Variants in ZNF786 observed in about 807,000 individuals in gnomAD.
ZNF786 encodes the protein zinc finger protein 786.
ZNF786 carries 56 observed loss-of-function variants against 63.1 expected under a neutral mutation model. That is an observed-to-expected ratio of 0.89 (90% CI 0.72 to 1.11). The LOEUF is 1.11. ZNF786 is among the 50% of genes least tolerant of loss of function. The pLI is 0.00. For missense variants in ZNF786, 1,213 were observed against 1,041.8 expected (o/e 1.16, Z -2.26); for synonymous variants, 485 against 406.9 (o/e 1.19, Z -2.31).
chr7:149,076,736 A>C (rs1280552750), intron 2 of ZNF786, among the ~76,000 whole-genome samples: 4 of 151,662 alleles, frequency 2.6e-5, no homozygotes, highest in African/African-American at 4.8e-5. Flanking sequence ...AAAAAAAAAA[A>C]AACTACATAG....
Position 149,071,801 on chromosome 7 carries a change from G to A in ZNF786, c.971C>T (p.Ala324Val). The change falls in exon 4 of 4, where the codon GCC becomes GTC. Residue 324 changes from alanine (A) to valine (V), a missense_variant. Transcript: ENST00000491431. ...RRCQHSREGP[A>V]SWREGRGASS... ...GGCCCCGCGGCCTTCTCTCCAAGAG[G>A]CCGGCCCCTCCCGGCTGTGCTGGCA... 6.3e-7 allele frequency: 1 copy of A among 1,585,010 alleles called. No individual in the cohort carries two copies. Among genetic ancestry groups the A allele is most frequent in the Non-Finnish European group, 8.5e-7 (1 of 1,170,880 alleles).
intron 3 of ZNF786, 95 bp downstream of exon 3, chr7:149,074,291 C>A (rs968394116): frequency 2.1e-6 from 3 of 1,456,198 alleles, no homozygotes; most frequent in Non-Finnish European, 1.9e-6. Flanking sequence ...AGTCTTCAAA[C>A]CTCAGCTTGC....
At chr7:149,073,779 ATG>A (rs202034948) in intron 3 of ZNF786, among the ~76,000 whole-genome samples, 13,882 of 80,862 alleles carry the variant, frequency 0.17, 1,575 homozygotes, top group East Asian at 0.28. Context: ...ATATATATAT[ATG>A]TATATATATA....
chr7:149,070,577 A>G lies in ZNF786; in HGVS notation c.2195T>C (p.Phe732Ser). The G allele has an allele frequency of 6.2e-7, 1 of 1,614,028 alleles. No individual in the cohort carries two copies. The highest frequency in any genetic ancestry group is 1.1e-5 in the South Asian group (1 of 91,084). Residue 732 changes from phenylalanine (F) to serine (S), a missense_variant, in exon 4 of 4, where the codon TTT becomes TCT. Transcript: ENST00000491431. ...HQRIHRPERP[F>S]ACGDCGKGFI... Reference sequence around the variant, plus strand: ...GCCCTTCCCACAATCGCCACAGGCAAAGGGCCTCTCGGGCCTGTGGATGCG... The same window carrying G: ...GCCCTTCCCACAATCGCCACAGGCAGAGGGCCTCTCGGGCCTGTGGATGCG...
chr7:149,074,543 A>G lies in ZNF786; in HGVS notation c.146-5T>C. The G allele has an allele frequency of 2.5e-6, 4 of 1,612,542 alleles. No homozygotes were observed. Among genetic ancestry groups the G allele is most frequent in the Non-Finnish European group, 3.4e-6 (4 of 1,179,366 alleles). On this transcript the variant is annotated splice_region_variant and splice_polypyrimidine_tract_variant and intron_variant, in intron 2 of 3. Coordinates refer to ENST00000491431, the MANE Select transcript of ZNF786 (RefSeq NM_152411.4). ...CTGGTTTTGGAAGTCCATCATCTGC[A>G]CAGAGAAGTCAGACAGGGTAGTTTG...
In ZNF786 at chr7:149,070,763, T is replaced by C; in HGVS notation, c.2009A>G (p.His670Arg). ...HSKLIEHIRTHTGEKPFQCPK... is the reference protein window; with the variant it reads ...HSKLIEHIRTRTGEKPFQCPK... ...ACACTGAAAAGGCTTCTCTCCCGTG[T>C]GCGTTCTGATGTGCTCGATGAGCTT... Residue 670 changes from histidine (H) to arginine (R), a missense_variant, in exon 4 of 4, where the codon CAC becomes CGC. By Grantham distance (29) the His-to-Arg change is conservative. Coordinates refer to ENST00000491431, the MANE Select transcript of ZNF786 (RefSeq NM_152411.4). The C allele has an allele frequency of 6.2e-7, 1 of 1,613,764 alleles. No individual in the cohort carries two copies. Among genetic ancestry groups the C allele is most frequent in the Non-Finnish European group, 8.5e-7 (1 of 1,179,948 alleles).
intron 2 of ZNF786, among the ~76,000 whole-genome samples, chr7:149,077,901 T>C (rs1401145554): frequency 1.3e-5 from 2 of 151,602 alleles, no homozygotes; most frequent in Admixed American, 6.6e-5. Context: ...GTCTCACTGT[T>C]GCCCAGGTTG....
intron 2 of ZNF786, among the ~76,000 whole-genome samples, chr7:149,076,615 A>G (rs2129515342): frequency 6.7e-6 from 1 of 149,358 alleles, no homozygotes; most frequent in African/African-American, 2.5e-5. Context: ...GCTACTCGGG[A>G]GGCTAAGGCA....
In ZNF786 at chr7:149,077,500, C is replaced by T. The variant is rs866627885; in HGVS notation, c.146-2962G>A. 6.6e-5 allele frequency among the ~76,000 whole-genome samples: 10 copies of T among 152,072 alleles called. No individual in the cohort carries two copies. The Middle Eastern group carries it at 0.017, about 259-fold the overall frequency. ...ACAATTAGCCAGGCGTGGTGGCGGG[C>T]GCCTGTAGTCCCAGCTACTCGGGAG... is the stretch of plus-strand genomic sequence containing the variant. On this transcript the variant is annotated intron_variant, in intron 2 of 3. Transcript: ENST00000491431.
At chr7:149,089,294 G>C (rs984615518) in intron 1 of ZNF786, among the ~76,000 whole-genome samples, 1 of 151,426 alleles carries the variant, frequency 6.6e-6, no homozygotes, top group Non-Finnish European at 1.5e-5. Context: ...ATTTTGTATA[G>C]TGTTCCACCG....
At position 149,071,868 on chromosome 7, in the gene ZNF786, C is replaced by A; in HGVS notation, c.904G>T (p.Gly302Cys). Reference protein sequence around the residue: ...GEKPAQCTPCGKRSLPVDSTQ... With the variant: ...GEKPAQCTPCCKRSLPVDSTQ... ...CTGTCCACTGGGAGGGAGCGCTTGC[C>A]GCATGGGGTGCACTGGGCAGGCTTC... Residue 302 changes from glycine to cysteine, a missense_variant, in exon 4 of 4, where the codon GGC (glycine) becomes TGC (cysteine). Physicochemically the swap from Gly to Cys is radical, Grantham distance 159. Transcript: ENST00000491431. 1 of 1,600,016 alleles carries A rather than the reference C, an allele frequency of 6.2e-7. No individual in the cohort carries two copies. The highest frequency in any genetic ancestry group is 8.5e-7 in the Non-Finnish European group (1 of 1,176,066).
chr7:149,075,920 C>T (rs1185273385), intron 2 of ZNF786, among the ~76,000 whole-genome samples: 5 of 151,884 alleles, frequency 3.3e-5, no homozygotes, highest in Admixed American at 2.6e-4. Flanking sequence ...ACCTCAGCCT[C>T]CGAAAGTGCT....
chr7:149,073,747 GTATATATATATA>G (rs57987134), intron 3 of ZNF786, among the ~76,000 whole-genome samples: 5 of 77,602 alleles, frequency 6.4e-5, no homozygotes, highest in African/African-American at 9.2e-5. Flanking sequence ...GTGTGTGTGT[GTATATATATATA>G]TATATATATA....
At chr7:149,085,029 C>G (rs1466544093) in intron 1 of ZNF786, among the ~76,000 whole-genome samples, 1 of 152,156 alleles carries the variant, frequency 6.6e-6, no homozygotes, top group Non-Finnish European at 1.5e-5. Flanking sequence ...GTTATCCCAG[C>G]ACCATTTATT....
At chr7:149,074,630 G>T in intron 2 of ZNF786, 92 bp from the exon 3 acceptor site, 6 of 1,269,656 alleles carry the variant, frequency 4.7e-6, no homozygotes, top group Non-Finnish European at 6.3e-6. Context: ...CTGGGACAAA[G>T]TATGAGAACA....
chr7:149,071,462 T>G lies in ZNF786; in HGVS notation c.1310A>C (p.Gln437Pro), dbSNP rs756529213. ...CRKCGKGFAK[Q>P]CKLTEHIRVH... is the part of the protein sequence containing the mutation. ...TCGAATGTGCTCCGTGAGTTTACAC[T>G]GCTTGGCGAAGCCCTTGCCACACTT... The change falls in exon 4 of 4, where the codon CAG becomes CCG. Residue 437 changes from glutamine to proline, a missense_variant. By Grantham distance (76) the Gln-to-Pro change is moderately conservative. Transcript: ENST00000491431. 6.2e-7 allele frequency: 1 copy of G among 1,613,300 alleles called. No homozygotes were observed. The highest frequency in any genetic ancestry group is 8.5e-7 in the Non-Finnish European group (1 of 1,179,834).
rs1435937241 is a variant in ZNF786 at position 149,071,353 on chromosome 7, C to T, written c.1419G>A (p.Arg473=). ...RQRGQLLRHQ[R]LHTDEKPFQC... ...GAAAGGGCTTCTCGTCCGTGTGCAG[C>T]CGCTGGTGCCGCAGCAGCTGTCCCC... Residue 473 remains arginine (R), a synonymous_variant, in exon 4 of 4, where the codon CGG becomes CGA. Coordinates refer to ENST00000491431, the MANE Select transcript of ZNF786 (RefSeq NM_152411.4). 6.2e-7 allele frequency: 1 copy of T among 1,613,076 alleles called. No individual in the cohort carries two copies. Among genetic ancestry groups the T allele is most frequent in the Non-Finnish European group, 8.5e-7 (1 of 1,179,718 alleles).
At chr7:149,082,542 C>G in intron 1 of ZNF786, 2 of 931,578 alleles carry the variant, frequency 2.1e-6, no homozygotes, top group Non-Finnish European at 2.6e-6. Context: ...GCCATATGTC[C>G]TCAATTTTTA....
rs1825401207 is a variant in ZNF786 at position 149,071,037 on chromosome 7, T to C, written c.1735A>G (p.Lys579Glu). 3 of 1,612,004 alleles carry C rather than the reference T, an allele frequency of 1.9e-6. No homozygotes were observed. Among genetic ancestry groups the C allele is most frequent in the East Asian group, 2.2e-5 (1 of 44,826 alleles). Residue 579 changes from lysine (K) to glutamate (E), a missense_variant, in exon 4 of 4, where the codon AAG (lysine) becomes GAG (glutamate). Coordinates refer to ENST00000491431, the MANE Select transcript of ZNF786 (RefSeq NM_152411.4). ...TGCACGCGCAAGTGCTCCGTGAGCT[T>C]GGATTGTCTGGTGAAGCCCTTGCCA... ...ECGKGFTRQS[K>E]LTEHLRVHSG... is the part of the protein sequence containing the mutation.
Sources: allele counts gnomAD v4.1 joint callset (sites outside exome capture counted in the v4.1 genomes callset), GRCh38; gene constraint gnomAD v4.1.1; transcripts MANE v1.5; gene names NCBI Gene and HGNC (gene_info 2026-07-23, HGNC 2026-07-21).